Variants in PHF20 observed in about 807,000 individuals in gnomAD.
The protein encoded by PHF20 is glioma-expressed antigen 2.
PHF20 carries 23 observed loss-of-function variants against 113.5 expected under a neutral mutation model. That is an observed-to-expected ratio of 0.20 (90% CI 0.15 to 0.29). PHF20 has a LOEUF of 0.29. Among genes scored for constraint, PHF20 ranks in the 10% least tolerant of loss-of-function variants. The pLI is 1.00. For synonymous variants in PHF20, 434 were observed against 457.3 expected, an observed-to-expected ratio of 0.95 and a Z score of 0.65; for missense variants, 943 against 1,219.6, an observed-to-expected ratio of 0.77 and a Z score of 3.38.
intron 3 of PHF20, 140 bp downstream of exon 3, chr20:35,842,884 C>T (rs998443462): frequency 3.0e-6 from 2 of 672,706 alleles, no homozygotes; most frequent in Non-Finnish European, 2.5e-6. Context: ...CTCTATGACA[C>T]CTGGGGCTCT....
chr20:35,782,265 TTTTTTTTC>T (rs1288472749), intron 1 of PHF20: 1 of 150,728 alleles, frequency 6.6e-6, no homozygotes, highest in African/African-American at 2.4e-5. Context: ...TTGTTTTGTT[TTTTTTTTC>T]TTTTTTTCTT....
intron 2 of PHF20, among the ~76,000 whole-genome samples, chr20:35,804,357 C>A (rs2041842980): frequency 6.6e-6 from 1 of 151,760 alleles, no homozygotes; most frequent in African/African-American, 2.4e-5. Context: ...CCTCAGCCTC[C>A]CGAGCAGCTG....
chr20:35,810,309 A>T (rs2041954370), intron 2 of PHF20, among the ~76,000 whole-genome samples: 1 of 152,196 alleles, frequency 6.6e-6, no homozygotes. Context: ...CCTCTCTTCC[A>T]GTTCGGCAAG....
At chr20:35,912,560 G>A (rs1447190084) in intron 10 of PHF20, among the ~76,000 whole-genome samples, 6 of 152,102 alleles carry the variant, frequency 3.9e-5, no homozygotes, top group African/African-American at 9.7e-5. Context: ...GGCTGGATGC[G>A]GTGGCTCACA....
intron 1 of PHF20, among the ~76,000 whole-genome samples, chr20:35,781,967 ACT>A (rs57623259): frequency 0.037 from 5,616 of 151,696 alleles, 351 homozygotes; most frequent in African/African-American, 0.13. Flanking sequence ...AAAAATTATA[ACT>A]CTGTACCCAT....
chr20:35,900,047 T>A (rs1030692778), intron 10 of PHF20, among the ~76,000 whole-genome samples: 1 of 152,192 alleles, frequency 6.6e-6, no homozygotes, highest in African/African-American at 2.4e-5. Context: ...AAAGGTGATA[T>A]GTGATTCTAC....
intron 9 of PHF20, among the ~76,000 whole-genome samples, chr20:35,879,507 A>G (rs1568695979): frequency 1.3e-5 from 2 of 152,274 alleles, no homozygotes; most frequent in Admixed American, 6.5e-5. Flanking sequence ...TTCTGTAACA[A>G]TCGTAAACAT....
intron 15 of PHF20, 32 bp from the exon 16 acceptor site, chr20:35,938,665 C>T: frequency 6.4e-7 from 1 of 1,560,034 alleles, no homozygotes; most frequent in Non-Finnish European, 8.6e-7. Context: ...CCAGTTACTC[C>T]AAAGCCCATG....
At chr20:35,824,497 C>G (rs2042228412) in intron 2 of PHF20, among the ~76,000 whole-genome samples, 1 of 151,806 alleles carries the variant, frequency 6.6e-6, no homozygotes, top group African/African-American at 2.4e-5. Context: ...GTCCCAGCTA[C>G]TCGGGAGGCT....
Position 35,858,379 on chromosome 20 carries a change from C to A in PHF20, c.418C>A (p.Gln140Lys). ...TCATGTCAAAGCTTTTTCCAAAGAT[C>A]AGGTGAGAAATGTGGTTTTGTGCTT... ...HIHVKAFSKD[Q>K]NIVGNARPKE... Residue 140 changes from glutamine (Q) to lysine (K), a missense_variant and splice_region_variant, in exon 5 of 18, where the codon CAG becomes AAG. Around this residue, in one of 3 missense-constraint regions of PHF20, gnomAD observed 592 missense variants for 787.2 expected, o/e 0.75. Transcript: ENST00000374012. 1.3e-6 allele frequency: 2 copies of A among 1,559,078 alleles called. No homozygotes were observed. The highest frequency in any genetic ancestry group is 1.8e-6 in the Non-Finnish European group (2 of 1,134,702).
intron 2 of PHF20, among the ~76,000 whole-genome samples, chr20:35,836,096 A>G (rs1370679786): frequency 6.6e-6 from 1 of 151,852 alleles, no homozygotes; most frequent in African/African-American, 2.4e-5. Flanking sequence ...GCAGCTTTGA[A>G]CTCTTTGGCT....
chr20:35,783,594 T>A (rs1195375691), intron 1 of PHF20, among the ~76,000 whole-genome samples: 4 of 151,864 alleles, frequency 2.6e-5, no homozygotes, highest in Admixed American at 2.0e-4. Context: ...TTTTTTTTTT[T>A]TTTTTATTAT....
At chr20:35,927,707 A>T in intron 13 of PHF20, 73 bp from the exon 14 acceptor site, 1 of 1,131,142 alleles carries the variant, frequency 8.8e-7, no homozygotes, top group South Asian at 1.2e-5. Flanking sequence ...CCCTCCCCTC[A>T]GCAGGTGGGT....
chr20:35,869,696 T>TG, intron 7 of PHF20, 145 bp downstream of exon 7: 1 of 651,078 alleles, frequency 1.5e-6, no homozygotes, highest in Non-Finnish European at 2.7e-6. Context: ...TGCAGTTGGA[T>TG]CAGAAGGAGT....
chr20:35,774,771 A>G (rs1340608081), intron 1 of PHF20: 3 of 152,196 alleles, frequency 2.0e-5, no homozygotes, highest in Non-Finnish European at 4.4e-5. Flanking sequence ...ATGCCGAGGG[A>G]TTTAATGATA....
At chr20:35,894,327 C>T (rs1305840429) in intron 9 of PHF20, among the ~76,000 whole-genome samples, 1 of 152,218 alleles carries the variant, frequency 6.6e-6, no homozygotes, top group Non-Finnish European at 1.5e-5. Context: ...GTGTTGATCA[C>T]CTACTTTGTG....
intron 2 of PHF20, among the ~76,000 whole-genome samples, chr20:35,803,871 C>G (rs529465914): frequency 6.6e-6 from 1 of 151,628 alleles, no homozygotes; most frequent in East Asian, 2.0e-4. Context: ...TCGCCCACCC[C>G]TGATATAGGG....
At chr20:35,818,789 G>A (rs2042119339) in intron 2 of PHF20, among the ~76,000 whole-genome samples, 1 of 151,896 alleles carries the variant, frequency 6.6e-6, no homozygotes, top group Non-Finnish European at 1.5e-5. Flanking sequence ...TTCCTACCTT[G>A]GCCTCCCAAA....
At chr20:35,848,698 GA>G (rs199709829) in intron 4 of PHF20, among the ~76,000 whole-genome samples, 3 of 150,650 alleles carry the variant, frequency 2.0e-5, no homozygotes, top group African/African-American at 4.9e-5. Context: ...ATCTCACTAT[GA>G]AAAAAAAATT....
Sources: allele counts gnomAD v4.1 joint callset (sites outside exome capture counted in the v4.1 genomes callset), GRCh38; gene constraint gnomAD v4.1.1; regional missense constraint gnomAD v4.1.1; transcripts MANE v1.5; gene names NCBI Gene and HGNC (gene_info 2026-07-23, HGNC 2026-07-21).